CEMIP: variants seen among roughly 807,000 people sequenced by gnomAD.
CEMIP encodes the protein cell migration inducing hyaluronidase 1, also known as cell migration-inducing and hyaluronan-binding protein.
CEMIP carries 105 observed loss-of-function variants against 156.9 expected under a neutral mutation model. The observed-to-expected ratio is 0.67, with a 90% CI of 0.57 to 0.79. CEMIP has a LOEUF of 0.79. Ranked by LOEUF, CEMIP falls within the 30% of genes least tolerant of loss-of-function variation. The pLI is 0.00. For synonymous variants in CEMIP, 676 were observed against 668.4 expected, an observed-to-expected ratio of 1.01 and a Z score of -0.17; for missense variants, 1,457 against 1,769.4, an observed-to-expected ratio of 0.82 and a Z score of 3.17.
intron 1 of CEMIP, among the ~76,000 whole-genome samples, chr15:80,799,547 C>T (rs982365899): frequency 6.6e-6 from 1 of 152,210 alleles, no homozygotes; most frequent in African/African-American, 2.4e-5. Flanking sequence ...AACTACCCTG[C>T]ACAATCCTGT....
intron 1 of CEMIP, among the ~76,000 whole-genome samples, chr15:80,800,436 G>T (rs974636961): frequency 6.6e-6 from 1 of 152,176 alleles, no homozygotes; most frequent in Non-Finnish European, 1.5e-5. Flanking sequence ...AATCATTAAT[G>T]GCTGAATGTG....
chr15:80,903,777 A>G (rs1004819383), intron 12 of CEMIP, among the ~76,000 whole-genome samples: 1 of 152,340 alleles, frequency 6.6e-6, no homozygotes, highest in African/African-American at 2.4e-5. Context: ...TCCACTCAGA[A>G]GCCAGTGCAA....
chr15:80,921,406 C>T (rs932277260), intron 16 of CEMIP, among the ~76,000 whole-genome samples: 1 of 152,174 alleles, frequency 6.6e-6, no homozygotes, highest in Non-Finnish European at 1.5e-5. Flanking sequence ...TAGAATGGTA[C>T]CTGACACATC....
At chr15:80,901,024 A>G (rs1899511070) in intron 12 of CEMIP, 1 of 453,106 alleles carries the variant, frequency 2.2e-6, no homozygotes, top group African/African-American at 2.0e-5. Context: ...ATCTAAAAAA[A>G]AATTTCAAAA....
chr15:80,856,213 T>C (rs1174988206), intron 1 of CEMIP, among the ~76,000 whole-genome samples: 3 of 152,222 alleles, frequency 2.0e-5, no homozygotes, highest in Non-Finnish European at 4.4e-5. Flanking sequence ...ACATATGCAT[T>C]TGTCAAAACT....
chr15:80,926,819 TGGG>T (rs573787196), intron 19 of CEMIP, among the ~76,000 whole-genome samples: 8 of 23,300 alleles, frequency 3.4e-4, no homozygotes, highest in African/African-American at 4.8e-4. Context: ...ACTGAGCGGG[TGGG>T]GGGGGGGGGT....
At chr15:80,896,188 A>T (rs1387788951) in intron 12 of CEMIP, 128 bp downstream of exon 12, 3 of 961,962 alleles carry the variant, frequency 3.1e-6, no homozygotes, top group East Asian at 2.5e-5. Context: ...AACAAAAAAA[A>T]TCTTAAAACT....
At chr15:80,805,644 A>T (rs982532328) in intron 1 of CEMIP, among the ~76,000 whole-genome samples, 17 of 152,226 alleles carry the variant, frequency 1.1e-4, no homozygotes, top group African/African-American at 3.9e-4. Context: ...TACAAACATA[A>T]AACTAGGTAT....
chr15:80,844,163 G>A (rs185896062), intron 1 of CEMIP, among the ~76,000 whole-genome samples: 2 of 152,190 alleles, frequency 1.3e-5, no homozygotes, highest in African/African-American at 2.4e-5. Flanking sequence ...AACCTCCCTG[G>A]CACTCACACC....
At chr15:80,840,113 G>T (rs913150288) in intron 1 of CEMIP, among the ~76,000 whole-genome samples, 3 of 152,218 alleles carry the variant, frequency 2.0e-5, no homozygotes, top group African/African-American at 7.2e-5. Flanking sequence ...AAAGTGGAAA[G>T]GGGGGTGTCT....
chr15:80,788,539 G>A (rs1033414352), intron 1 of CEMIP, among the ~76,000 whole-genome samples: 9 of 151,834 alleles, frequency 5.9e-5, no homozygotes, highest in Non-Finnish European at 8.8e-5. Context: ...AGAAGAAACC[G>A]GTGGTTTATG....
In CEMIP at chr15:80,929,094, C is replaced by A; in HGVS notation, c.2532C>A (p.Asn844Lys). The A allele has an allele frequency of 6.2e-7, 1 of 1,614,168 alleles. No individual in the cohort carries two copies. The highest frequency in any genetic ancestry group is 8.5e-7 in the Non-Finnish European group (1 of 1,180,036). ...KNSLFVGESG[N>K]VGTEMMDNRI... is the part of the protein sequence containing the mutation. ...GCTTGTTTGTTGGCGAGAGTGGCAA[C>A]GTGGGGACGGAAATGATGGACAATA... The change falls in exon 21 of 30, where the codon AAC becomes AAA. Residue 844 changes from asparagine to lysine, a missense_variant. Asn to Lys is a moderately conservative substitution (Grantham distance 94, BLOSUM62 0). Transcript: ENST00000394685.
chr15:80,843,831 CA>C (rs369919579), intron 1 of CEMIP, among the ~76,000 whole-genome samples: 21 of 152,296 alleles, frequency 1.4e-4, no homozygotes, highest in African/African-American at 4.1e-4. Context: ...TGTCAAAAGA[CA>C]GGTCTGCCCC....
chr15:80,907,722 G>C (rs950463808), intron 13 of CEMIP, among the ~76,000 whole-genome samples: 1 of 152,142 alleles, frequency 6.6e-6, no homozygotes, highest in African/African-American at 2.4e-5. Flanking sequence ...CGTTTTCCTA[G>C]TATTAAGCTC....
At chr15:80,850,232 G>A (rs1371855911) in intron 1 of CEMIP, among the ~76,000 whole-genome samples, 1 of 152,120 alleles carries the variant, frequency 6.6e-6, no homozygotes, top group Non-Finnish European at 1.5e-5. Context: ...CTAGTCAGGG[G>A]TTTTGGGCAT....
chr15:80,900,624 G>C (rs962935380), intron 12 of CEMIP, among the ~76,000 whole-genome samples: 1 of 145,126 alleles, frequency 6.9e-6, no homozygotes, highest in Non-Finnish European at 1.5e-5. Flanking sequence ...GTGTGTGTGT[G>C]TGTGTGTGTG....
intron 1 of CEMIP, among the ~76,000 whole-genome samples, chr15:80,787,062 TG>T (rs1463745991): frequency 2.0e-5 from 3 of 151,988 alleles, no homozygotes; most frequent in Admixed American, 6.6e-5. Flanking sequence ...GGGTTGCGGG[TG>T]GTGGCTCCAA....
intron 29 of CEMIP, chr15:80,948,389 C>A: frequency 3.1e-6 from 1 of 324,668 alleles, no homozygotes; most frequent in South Asian, 2.7e-5. Flanking sequence ...GGAAGGAGAT[C>A]TTGTAGATCA....
intron 1 of CEMIP, among the ~76,000 whole-genome samples, chr15:80,852,567 C>T (rs1272908859): frequency 6.6e-6 from 1 of 152,152 alleles, no homozygotes. Context: ...ACTGACATTT[C>T]CTCTGCCATC....
Sources: gnomAD v4.1 joint callset for allele counts (sites outside exome capture counted in the v4.1 genomes callset) on GRCh38, gnomAD v4.1.1 for gene constraint, MANE v1.5 for transcripts, NCBI Gene and HGNC (gene_info 2026-07-23, HGNC 2026-07-21) for gene names.